The following LRP1B variants were observed in gnomAD, a reference collection of about 807,000 sequenced individuals.
LRP1B encodes low-density lipoprotein receptor-related protein 1B.
LRP1B carries 217 observed loss-of-function variants against 556.6 expected under a neutral mutation model. The ratio of observed to expected loss-of-function variants is 0.39; its 90% confidence interval spans 0.35 to 0.44. The LOEUF (loss-of-function observed/expected upper bound fraction) is 0.44, where lower values mean the gene tolerates loss of function less well. LRP1B is among the 20% of genes least tolerant of loss of function. The pLI is 1.00. For missense variants in LRP1B, 5,053 were observed against 5,620.8 expected (o/e 0.90, Z 3.23); for synonymous variants, 2,047 against 1,865.8 (o/e 1.10, Z -2.50).
At chr2:141,231,778 T>C (rs1159310071) in intron 5 of LRP1B, among the ~76,000 whole-genome samples, 2 of 152,140 alleles carry the variant, frequency 1.3e-5, no homozygotes, top group Non-Finnish European at 2.9e-5. Context: ...TTCTCTCAAG[T>C]CATAGGATTC....
intron 43 of LRP1B, among the ~76,000 whole-genome samples, chr2:140,550,249 C>T (rs1345473705): frequency 6.6e-6 from 1 of 152,076 alleles, no homozygotes; most frequent in Non-Finnish European, 1.5e-5. Context: ...GTTTTCTTTT[C>T]TAAGCGCTTC....
chr2:140,245,673 G>A (rs551390482), intron 87 of LRP1B, among the ~76,000 whole-genome samples: 1 of 151,450 alleles, frequency 6.6e-6, no homozygotes, highest in South Asian at 2.1e-4. Context: ...TGCCTCCAGA[G>A]TTATTACTGG....
rs76636899 is a variant in LRP1B, at chr2:140,902,694, G to A, written c.3766+226C>T. On this transcript the variant is annotated intron_variant, in intron 23 of 90. Coordinates refer to ENST00000389484, the MANE Select transcript of LRP1B (RefSeq NM_018557.3). ...GATATGATAATAAAATCAATGTTTC[G>A]GGAAAAAGAATAATCTGATGGTAAC... is the stretch of plus-strand genomic sequence containing the variant. 5.6e-3 allele frequency among the ~76,000 whole-genome samples: 851 copies of A among 152,108 alleles called. 5 individuals carry two copies. The highest frequency in any genetic ancestry group is 8.1e-3 in the South Asian group (39 of 4,824).
rs1396933896 is a variant in LRP1B at position 140,487,695 on chromosome 2, T to G, written c.9165A>C (p.Glu3055Asp). 1.9e-6 allele frequency: 3 copies of G among 1,588,474 alleles called. No homozygotes were observed. In the African/African-American group the frequency reaches 4.0e-5, roughly 21 times the overall value. ...GGCTAGAATCGATCCAATAGATGAATTCTTCTCTGTAATCAAAGTCTATAG... is the reference window on the plus strand; with the variant it reads ...GGCTAGAATCGATCCAATAGATGAAGTCTTCTCTGTAATCAAAGTCTATAG... The part of the protein sequence containing the change: ...VIAIDFDYRE[E>D]FIYWIDSSRP... The change falls in exon 58 of 91, where the codon GAA (glutamate) becomes GAC (aspartate). Residue 3055 changes from glutamate to aspartate, a missense_variant. Glu to Asp is a conservative substitution (Grantham distance 45). Around this residue, in one of 5 missense-constraint regions of LRP1B, gnomAD observed 3,619 missense variants for 3,931.9 expected, o/e 0.92. Transcript: ENST00000389484.
At chr2:141,303,728 C>T (rs1686480354) in intron 3 of LRP1B, among the ~76,000 whole-genome samples, 1 of 152,112 alleles carries the variant, frequency 6.6e-6, no homozygotes, top group Non-Finnish European at 1.5e-5. Flanking sequence ...GCAGTAAATA[C>T]AGAGATGCAG....
intron 2 of LRP1B, among the ~76,000 whole-genome samples, chr2:141,736,496 A>T (rs940044577): frequency 1.3e-5 from 2 of 152,170 alleles, no homozygotes; most frequent in Non-Finnish European, 2.9e-5. Flanking sequence ...ACACAGAGAC[A>T]GGTGGAAGAT....
chr2:141,708,728 G>C (rs1692242630), intron 2 of LRP1B, among the ~76,000 whole-genome samples: 1 of 151,986 alleles, frequency 6.6e-6, no homozygotes, highest in Non-Finnish European at 1.5e-5. Context: ...TCTTTAAAGA[G>C]GTGACCAAAT....
At chr2:141,784,295 C>T (rs1488350790) in intron 2 of LRP1B, among the ~76,000 whole-genome samples, 1 of 151,838 alleles carries the variant, frequency 6.6e-6, no homozygotes, top group Non-Finnish European at 1.5e-5. Context: ...ATATAGTAAT[C>T]AGGTCAAACC....
At chr2:141,869,288 T>G (rs1472749643) in intron 1 of LRP1B, among the ~76,000 whole-genome samples, 2 of 152,138 alleles carry the variant, frequency 1.3e-5, no homozygotes, top group Non-Finnish European at 2.9e-5. Context: ...TGTTTTTAAT[T>G]TAAATAACCC....
chr2:141,842,959 A>G (rs1463935739), intron 1 of LRP1B, among the ~76,000 whole-genome samples: 1 of 152,160 alleles, frequency 6.6e-6, no homozygotes, highest in East Asian at 1.9e-4. Context: ...TTCATATCTA[A>G]TGAAAATCAT....
chr2:141,096,108 T>C (rs1184662692), intron 7 of LRP1B, among the ~76,000 whole-genome samples: 4 of 152,118 alleles, frequency 2.6e-5, no homozygotes, highest in African/African-American at 9.7e-5. Context: ...TAGACTTGGA[T>C]CTTGAACGCT....
intron 1 of LRP1B, among the ~76,000 whole-genome samples, chr2:142,024,620 G>GTTTTTTT (rs3041443): frequency 1.9e-4 from 25 of 130,950 alleles, no homozygotes; most frequent in South Asian, 5.0e-4. Context: ...CAGCTGAAAT[G>GTTTTTTT]TTTTTTTTTT....
At chr2:140,799,897 C>T (rs1030173962) in intron 32 of LRP1B, among the ~76,000 whole-genome samples, 4 of 152,030 alleles carry the variant, frequency 2.6e-5, no homozygotes, top group African/African-American at 4.8e-5. Flanking sequence ...TGGGGCTTGT[C>T]GGACAGTGGG....
intron 2 of LRP1B, among the ~76,000 whole-genome samples, chr2:141,636,707 A>AATGTAT (rs1208358734): frequency 2.0e-5 from 3 of 152,082 alleles, no homozygotes; most frequent in Non-Finnish European, 4.4e-5. Flanking sequence ...AGAGTGGCTA[A>AATGTAT]ATGTATGGTT....
chr2:142,117,367 C>G (rs1220985881), intron 1 of LRP1B, among the ~76,000 whole-genome samples: 1 of 152,112 alleles, frequency 6.6e-6, no homozygotes, highest in Non-Finnish European at 1.5e-5. Flanking sequence ...ATTCTTCTTT[C>G]CGAACCCACA....
At chr2:140,650,451 C>T (rs944500422) in intron 41 of LRP1B, among the ~76,000 whole-genome samples, 6 of 151,806 alleles carry the variant, frequency 4.0e-5, no homozygotes, top group Non-Finnish European at 5.9e-5. Flanking sequence ...TGGGTTCAAG[C>T]GATTCTCCTG....
chr2:141,987,739 A>C (rs1702237320), intron 1 of LRP1B, among the ~76,000 whole-genome samples: 1 of 151,904 alleles, frequency 6.6e-6, no homozygotes, highest in South Asian at 2.1e-4. Flanking sequence ...ATAATACTTT[A>C]CATTTTTTAT....
chr2:141,773,156 A>G (rs1478394805), intron 2 of LRP1B, among the ~76,000 whole-genome samples: 1 of 152,154 alleles, frequency 6.6e-6, no homozygotes, highest in East Asian at 1.9e-4. Flanking sequence ...TTCTTCTTCT[A>G]TGTGTTTAAC....
chr2:141,242,292 A>G (rs1683906148), intron 5 of LRP1B, among the ~76,000 whole-genome samples: 1 of 152,140 alleles, frequency 6.6e-6, no homozygotes, highest in South Asian at 2.1e-4. Context: ...CCGCCTCCCA[A>G]AAGAAAATTT....
Sources: gnomAD v4.1 joint callset for allele counts (sites outside exome capture counted in the v4.1 genomes callset) on GRCh38, gnomAD v4.1.1 for gene constraint, gnomAD v4.1.1 regional missense constraint, MANE v1.5 for transcripts, NCBI Gene and HGNC (gene_info 2026-07-23, HGNC 2026-07-21) for gene names.